DAO: variants seen among roughly 807,000 people sequenced by gnomAD.
The protein encoded by DAO is D-amino-acid oxidase.
Under a neutral mutation model 50.1 loss-of-function variants are expected in DAO, and 51 were observed. The observed-to-expected ratio is 1.02, with a 90% CI of 0.81 to 1.29. DAO has a LOEUF of 1.29. Ranked by LOEUF, DAO falls within the 50% of genes most tolerant of loss-of-function variation. The pLI, the probability that DAO is intolerant of heterozygous loss-of-function variation, is 0.00. For synonymous variants in DAO, 160 were observed against 166.2 expected (o/e 0.96, Z 0.29); for missense variants, 436 against 439.4 (o/e 0.99, Z 0.07).
intron 5 of DAO, among the ~76,000 whole-genome samples, chr12:108,892,529 A>G (rs2039502890): frequency 6.6e-6 from 1 of 152,102 alleles, no homozygotes; most frequent in African/African-American, 2.4e-5. Context: ...AGGAGGGTGG[A>G]TGTCCTCAGC....
At chr12:108,887,160 C>G (rs2039444354) in intron 2 of DAO, among the ~76,000 whole-genome samples, 1 of 152,186 alleles carries the variant, frequency 6.6e-6, no homozygotes, top group African/African-American at 2.4e-5. Context: ...TCAAGGACTT[C>G]ACTGAAACTC....
chr12:108,889,600 G>C, intron 4 of DAO, 55 bp downstream of exon 4: 1 of 1,402,154 alleles, frequency 7.1e-7, no homozygotes, highest in Non-Finnish European at 1.0e-6. Context: ...TAGCAGACCT[G>C]TCCAGAAGGC....
chr12:108,900,840 C>T lies in DAO; in HGVS notation c.*305C>T, dbSNP rs1439691351. 1.9e-5 allele frequency: 7 copies of T among 361,452 alleles called. No individual in the cohort carries two copies. Among genetic ancestry groups the T allele is most frequent in the South Asian group, 1.2e-4 (5 of 42,438 alleles). The allele number at this position is 361,452 out of a possible 1,614,324, so 22.4% of individuals were successfully genotyped here. A position where few individuals can be genotyped will look rare whatever the true frequency, so the allele number is the denominator to read the frequency against. ...ATCAAAGAGGCCAACTGCCCAGAGC[C>T]ACAGAAAATGGAGGATAATTGAGGC... is the stretch of plus-strand genomic sequence containing the variant. On this transcript the variant is annotated 3_prime_UTR_variant, in exon 11 of 11. Coordinates refer to ENST00000228476, the MANE Select transcript of DAO (RefSeq NM_001917.5).
chr12:108,890,062 C>T (rs139714068), intron 4 of DAO, 146 bp from the exon 5 acceptor site: 1 of 733,500 alleles, frequency 1.4e-6, no homozygotes, highest in Non-Finnish European at 2.5e-6. Context: ...AGCTCAAAAC[C>T]ACGTCCCCCC....
rs117511202 is a variant in DAO, at chr12:108,883,221, G to T, written c.-9-1777G>T. ...GAATGCAGTGGTGCGAACTCGACTC[G>T]CTGCAACCTCTGCTGCCCAGGTTCA... On this transcript the variant is annotated intron_variant, in intron 1 of 10. Coordinates refer to ENST00000228476, the MANE Select transcript of DAO (RefSeq NM_001917.5). Among the ~76,000 whole-genome samples the T allele has an allele frequency of 8.6e-4, 131 of 151,896 alleles. 2 individuals carry two copies. The East Asian group carries it at 0.018, about 21-fold the overall frequency.
chr12:108,890,501 T>A (rs977623477), intron 5 of DAO, among the ~76,000 whole-genome samples: 1 of 152,242 alleles, frequency 6.6e-6, no homozygotes, highest in Non-Finnish European at 1.5e-5. Context: ...ACACATGATG[T>A]CCATTAACAA....
At chr12:108,885,304 G>A in intron 2 of DAO, 104 bp downstream of exon 2, 1 of 1,136,580 alleles carries the variant, frequency 8.8e-7, no homozygotes, top group Non-Finnish European at 1.3e-6. Flanking sequence ...TGGAAGCTCT[G>A]ATCTAGCATA....
chr12:108,895,342 G>T (rs2039537834), intron 7 of DAO, among the ~76,000 whole-genome samples: 2 of 131,294 alleles, frequency 1.5e-5, no homozygotes, highest in Non-Finnish European at 3.2e-5. Flanking sequence ...CATGTGTGAG[G>T]GTGTGTGTGC....
chr12:108,897,014 C>A lies in DAO; in HGVS notation c.621C>A (p.Ala207=). 1 of 1,613,736 alleles carries A rather than the reference C, an allele frequency of 6.2e-7. No homozygotes were observed. Residue 207 remains alanine, a synonymous_variant, in exon 8 of 11, where the codon GCC becomes GCA. Coordinates refer to ENST00000228476, the MANE Select transcript of DAO (RefSeq NM_001917.5). ...CTGCCCTGAATCAACAGGTGGACGC[C>A]CCTTGGATGAAGCACTTCATTCTCA... ...PGRGQIMKVD[A]PWMKHFILTH...
At chr12:108,892,824 T>C (rs572812546) in intron 5 of DAO, among the ~76,000 whole-genome samples, 158 bp from the exon 6 acceptor site, 1 of 152,250 alleles carries the variant, frequency 6.6e-6, no homozygotes, top group African/African-American at 2.4e-5. Context: ...CAGTAGGTGC[T>C]CATGAGCTGA....
chr12:108,880,351 G>A, intron 1 of DAO, 127 bp downstream of exon 1: 1 of 340,286 alleles, frequency 2.9e-6, no homozygotes, highest in East Asian at 7.6e-5. Context: ...GACAGGAAAG[G>A]AGAGATCCAG....
intron 3 of DAO, 76 bp from the exon 4 acceptor site, chr12:108,889,393 A>T: frequency 1.0e-6 from 1 of 996,282 alleles, no homozygotes; most frequent in South Asian, 1.3e-5. Flanking sequence ...TACAGGTGTG[A>T]GCCACCTCGC....
intron 8 of DAO, among the ~76,000 whole-genome samples, chr12:108,897,645 T>C (rs2039573826): frequency 6.6e-6 from 1 of 151,972 alleles, no homozygotes; most frequent in African/African-American, 2.4e-5. Context: ...AGGCAGTGGA[T>C]GTAATGTGGT....
At chr12:108,892,893 T>G in intron 5 of DAO, 89 bp from the exon 6 acceptor site, 9 of 1,147,894 alleles carry the variant, frequency 7.8e-6, no homozygotes, top group Non-Finnish European at 1.1e-5. Context: ...CCGCAGAAGG[T>G]TGTTTGGGAA....
intron 1 of DAO, among the ~76,000 whole-genome samples, chr12:108,881,471 TAA>T (rs34135554): frequency 2.3e-5 from 2 of 87,338 alleles, no homozygotes; most frequent in East Asian, 7.0e-4. Flanking sequence ...TTTTGTATTT[TAA>T]AACACACACA....
intron 1 of DAO, 54 bp from the exon 2 acceptor site, chr12:108,884,944 A>G: frequency 1.3e-6 from 2 of 1,543,504 alleles, no homozygotes; most frequent in Non-Finnish European, 1.8e-6. Flanking sequence ...AATGGCGCTA[A>G]GGATGATGGA....
At chr12:108,887,634 A>G (rs2039449551) in intron 3 of DAO, 70 bp downstream of exon 3, 1 of 1,104,170 alleles carries the variant, frequency 9.1e-7, no homozygotes, top group African/African-American at 1.5e-5. Context: ...GGTGCAGCAG[A>G]GCCTTAATCA....
rs904290910 is a variant in DAO at position 108,900,988 on chromosome 12, T to C, written c.*453T>C. The C allele has an allele frequency of 9.3e-6, 2 of 215,518 alleles. No homozygotes were observed. Among genetic ancestry groups the C allele is most frequent in the African/African-American group, 4.7e-5 (2 of 42,864 alleles). The allele number at this position is 215,518 out of a possible 1,614,324, so 13.4% of individuals were successfully genotyped here. A position where few individuals can be genotyped will look rare whatever the true frequency, so the allele number is the denominator to read the frequency against. On this transcript the variant is annotated 3_prime_UTR_variant, in exon 11 of 11. Coordinates refer to ENST00000228476, the MANE Select transcript of DAO (RefSeq NM_001917.5). ...AAACCTATCTGGCTATGGAACTCTTTTGCCCAGAGCACCCATGAATGCCAT... is the reference window on the plus strand; with the variant it reads ...AAACCTATCTGGCTATGGAACTCTTCTGCCCAGAGCACCCATGAATGCCAT...
chr12:108,900,312 G>C, intron 10 of DAO, 92 bp from the exon 11 acceptor site: 2 of 1,529,226 alleles, frequency 1.3e-6, no homozygotes, highest in Non-Finnish European at 1.8e-6. Context: ...GACTCTTCGG[G>C]AGGCTCCTGA....
Sources: allele counts gnomAD v4.1 joint callset (sites outside exome capture counted in the v4.1 genomes callset), GRCh38; gene constraint gnomAD v4.1.1; transcripts MANE v1.5; gene names NCBI Gene and HGNC (gene_info 2026-07-23, HGNC 2026-07-21).